MKRN1: variants seen among roughly 807,000 people sequenced by gnomAD.
MKRN1 encodes the protein makorin ring finger protein 1.
In MKRN1, 9 loss-of-function variants were observed where a neutral mutation model predicts 55.5. The observed-to-expected ratio is 0.16, with a 90% CI of 0.10 to 0.28. MKRN1 has a LOEUF of 0.28. Ranked by LOEUF, MKRN1 falls within the 10% of genes least tolerant of loss-of-function variation. MKRN1 has a pLI of 1.00. For synonymous variants in MKRN1, 253 were observed against 235.9 expected (o/e 1.07, Z -0.66); for missense variants, 488 against 626.7 (o/e 0.78, Z 2.36).
intron 2 of MKRN1, among the ~76,000 whole-genome samples, chr7:140,462,317 G>A (rs956314478): frequency 2.6e-5 from 4 of 152,080 alleles, no homozygotes; most frequent in African/African-American, 9.7e-5. Flanking sequence ...CACCGTGCTC[G>A]GCACACCGAG....
chr7:140,454,540 C>T lies in MKRN1; in HGVS notation c.1426G>A (p.Asp476Asn), dbSNP rs377509145. The change falls in exon 8 of 8, where the codon GAT becomes AAT. Residue 476 changes from aspartate to asparagine, a missense_variant. This residue lies in a region of MKRN1 where 278 missense variants were observed against 406.7 expected (regional missense o/e 0.68). Coordinates refer to ENST00000255977, the MANE Select transcript of MKRN1 (RefSeq NM_013446.4). Reference sequence around the variant, plus strand: ...TGCTATAGATCCAAGTCATAAAAATCTTCCAGCTCATCATGAAACAAGTCC... The same window carrying T: ...TGCTATAGATCCAAGTCATAAAAATTTTCCAGCTCATCATGAAACAAGTCC... ...EWDLFHDELEDFYDLDL is the reference protein window; with the variant it reads ...EWDLFHDELENFYDLDL The T allele has an allele frequency of 1.1e-5, 17 of 1,612,332 alleles. No individual in the cohort carries two copies. Among genetic ancestry groups the T allele is most frequent in the Admixed American group, 1.7e-5 (1 of 59,978 alleles).
At chr7:140,471,797 T>C in intron 2 of MKRN1, 86 bp downstream of exon 2, 1 of 1,509,682 alleles carries the variant, frequency 6.6e-7, no homozygotes, top group Admixed American at 2.0e-5. Flanking sequence ...TTATTTTTAA[T>C]CAGTGACATA....
At chr7:140,458,059 CCATACA>C (rs1207682726) in intron 4 of MKRN1, among the ~76,000 whole-genome samples, 1 of 152,148 alleles carries the variant, frequency 6.6e-6, no homozygotes, top group East Asian at 1.9e-4. Context: ...ACCCTGGCTC[CCATACA>C]CTGCTGCTGG....
intron 2 of MKRN1, among the ~76,000 whole-genome samples, chr7:140,470,660 A>C (rs961774874): frequency 6.6e-6 from 1 of 151,918 alleles, no homozygotes; most frequent in Non-Finnish European, 1.5e-5. Context: ...TCACACCTGT[A>C]ATCCCAGCAC....
chr7:140,464,752 T>C (rs1170603247), intron 2 of MKRN1, among the ~76,000 whole-genome samples: 2 of 140,708 alleles, frequency 1.4e-5, no homozygotes, highest in East Asian at 2.0e-4. Flanking sequence ...AAAAGATAAT[T>C]TCCAAAAAAA....
At chr7:140,462,977 A>T (rs911338520) in intron 2 of MKRN1, among the ~76,000 whole-genome samples, 3 of 151,624 alleles carry the variant, frequency 2.0e-5, no homozygotes, top group Non-Finnish European at 4.4e-5. Flanking sequence ...GAACCAATAA[A>T]GACTATGCGC....
chr7:140,478,934 CCTCCGCGGACAGCGCTGAGGG>C (rs1342126035), intron 1 of MKRN1: 4 of 413,028 alleles, frequency 9.7e-6, no homozygotes, highest in African/African-American at 2.1e-5. Flanking sequence ...CACCGCCAGG[CCTCCGCGGACAGCGCTGAGGG>C]CTCCGCGGCC....
intron 2 of MKRN1, among the ~76,000 whole-genome samples, chr7:140,463,688 A>G (rs903143235): frequency 5.3e-5 from 8 of 151,962 alleles, no homozygotes; most frequent in East Asian, 2.0e-4. Flanking sequence ...GATGGAGACC[A>G]TCCTGGCTAA....
At position 140,454,284 on chromosome 7, in the gene MKRN1, GTTACAAAAAACTAACTT is replaced by G. The variant is rs1189889364; in HGVS notation, c.*216_*232del. The G allele has an allele frequency of 1.8e-6, 1 of 552,394 alleles. No individual in the cohort carries two copies. The highest frequency in any genetic ancestry group is 1.9e-5 in the African/African-American group (1 of 52,912). 34.2% of individuals were successfully genotyped at this position (552,394 alleles called of 1,614,324 possible). A position where few individuals can be genotyped will look rare whatever the true frequency, so the allele number is the denominator to read the frequency against. Reference sequence around the variant, plus strand: ...CTAACTGTCTGACAGTTAAATTCGTGTTACAAAAAACTAACTTTAAGATTTATTTTTGTAACTTTTTT... The same window carrying G: ...CTAACTGTCTGACAGTTAAATTCGTGTAAGATTTATTTTTGTAACTTTTTT... On this transcript the variant is annotated 3_prime_UTR_variant, in exon 8 of 8. Transcript: ENST00000255977.
chr7:140,458,138 T>C (rs930064413), intron 4 of MKRN1, among the ~76,000 whole-genome samples: 1 of 151,636 alleles, frequency 6.6e-6, no homozygotes, highest in Admixed American at 6.6e-5. Context: ...TAAAGCAGAG[T>C]TCCTATGTAA....
chr7:140,479,474 G>C lies in MKRN1; in HGVS notation c.-130C>G. 3.1e-6 allele frequency: 3 copies of C among 963,900 alleles called. No individual in the cohort carries two copies. Among genetic ancestry groups the C allele is most frequent in the Non-Finnish European group, 4.1e-6 (3 of 739,054 alleles). The allele number at this position is 963,900 out of a possible 1,614,324, so 59.7% of individuals were successfully genotyped here. A position where few individuals can be genotyped will look rare whatever the true frequency, so the allele number is the denominator to read the frequency against. ...ACACTGAGGCACCCGTTCGGTCCCC[G>C]CCTGCTACGCGTCGCGTATCTGAGC... On this transcript the variant is annotated 5_prime_UTR_variant, in exon 1 of 8. Coordinates refer to ENST00000255977, the MANE Select transcript of MKRN1 (RefSeq NM_013446.4).
At chr7:140,471,103 C>T (rs184468420) in intron 2 of MKRN1, among the ~76,000 whole-genome samples, 2 of 152,250 alleles carry the variant, frequency 1.3e-5, no homozygotes, top group African/African-American at 4.8e-5. Context: ...TGGGGATGGG[C>T]CAGTTTCTGG....
intron 7 of MKRN1, 106 bp from the exon 8 acceptor site, chr7:140,454,835 G>T: frequency 8.2e-7 from 1 of 1,225,086 alleles, no homozygotes; most frequent in Non-Finnish European, 1.2e-6. Context: ...TGACGAACCA[G>T]ACTTCTTAGT....
At chr7:140,455,689 G>A in intron 6 of MKRN1, 101 bp downstream of exon 6, 1 of 906,872 alleles carries the variant, frequency 1.1e-6, no homozygotes, top group Non-Finnish European at 1.8e-6. Context: ...TCAAAGAAGG[G>A]TAGGAAGGAG....
intron 1 of MKRN1, 90 bp downstream of exon 1, chr7:140,479,070 C>A: frequency 8.1e-7 from 1 of 1,235,528 alleles, no homozygotes; most frequent in South Asian, 3.4e-5. Flanking sequence ...CGCCTCTAGC[C>A]GCAGGCCGGC....
chr7:140,462,419 A>G (rs1313663298), intron 2 of MKRN1, among the ~76,000 whole-genome samples: 23 of 152,222 alleles, frequency 1.5e-4, no homozygotes, highest in Admixed American at 1.5e-3. Context: ...TCTTATAATG[A>G]AACATTACTA....
At chr7:140,472,341 G>A (rs1181460104) in intron 1 of MKRN1, 2 of 272,070 alleles carry the variant, frequency 7.4e-6, no homozygotes, top group African/African-American at 2.2e-5. Flanking sequence ...GCTGAGGCAG[G>A]AGAACTGCTT....
rs187511699 is a variant in MKRN1 at position 140,458,665 on chromosome 7, T to C, written c.771+342A>G. On this transcript the variant is annotated intron_variant, in intron 4 of 7. Transcript: ENST00000255977. ...AATGTGAATCTCAGAAACATTATTT[T>C]TTAAAAGAGGAAAAAAATGTTAGAA... Among the ~76,000 whole-genome samples the C allele has an allele frequency of 1.9e-3, 295 of 152,358 alleles. 2 individuals carry two copies. The highest frequency in any genetic ancestry group is 3.1e-3 in the Non-Finnish European group (208 of 68,032).
chr7:140,455,797 C>G lies in MKRN1; in HGVS notation c.1090G>C (p.Ala364Pro), dbSNP rs1343765893. 2 of 1,611,444 alleles carry G rather than the reference C, an allele frequency of 1.2e-6. No individual in the cohort carries two copies. Residue 364 changes from alanine to proline, a missense_variant, in exon 6 of 8, where the codon GCA (alanine) becomes CCA (proline). Physicochemically the swap from Ala to Pro is conservative, Grantham distance 27. Around this residue, in one of 2 missense-constraint regions of MKRN1, gnomAD observed 278 missense variants for 406.7 expected, o/e 0.68. Coordinates refer to ENST00000255977, the MANE Select transcript of MKRN1 (RefSeq NM_013446.4). ...KQKLILKYKE[A>P]MSNKACRYFD... ...AGGCTGCAGTGCTCATACCTCATTGCCTCCTTGTATTTCAGAATGAGTTTC... is the reference window on the plus strand; with the variant it reads ...AGGCTGCAGTGCTCATACCTCATTGGCTCCTTGTATTTCAGAATGAGTTTC...
Sources: allele counts gnomAD v4.1 joint callset (sites outside exome capture counted in the v4.1 genomes callset), GRCh38; gene constraint gnomAD v4.1.1; regional missense constraint gnomAD v4.1.1; transcripts MANE v1.5; gene names NCBI Gene and HGNC (gene_info 2026-07-23, HGNC 2026-07-21).